GABRB3: variants seen among roughly 807,000 people sequenced by gnomAD.
GABRB3 encodes gamma-aminobutyric acid receptor subunit beta-3.
In GABRB3, 14 loss-of-function variants were observed where a neutral mutation model predicts 52.1. That is an observed-to-expected ratio of 0.27 (90% confidence interval 0.18 to 0.42). The LOEUF is 0.42. GABRB3 is among the 10% of genes least tolerant of loss of function. GABRB3 has a pLI of 1.00. For synonymous variants in GABRB3, 260 were observed against 232.3 expected, an observed-to-expected ratio of 1.12 and a Z score of -1.08; for missense variants, 307 against 609.1, an observed-to-expected ratio of 0.50 and a Z score of 5.22.
At chr15:26,640,222 A>C (rs527394624) in intron 3 of GABRB3, among the ~76,000 whole-genome samples, 13 of 152,296 alleles carry the variant, frequency 8.5e-5, no homozygotes, top group African/African-American at 3.1e-4. Context: ...GGTGATTTAA[A>C]GTATCAAAAC....
Position 26,580,338 on chromosome 15 carries a change from C to T in GABRB3, c.663G>A (p.Arg221=), listed in dbSNP as rs568658714. Residue 221 remains arginine (R), a synonymous_variant, in exon 6 of 9, where the codon AGG becomes AGA. Transcript: ENST00000311550. ...FSIVEHRLVS[R]NVVFATGAYP... is the part of the protein sequence containing the mutation. ...ACTCACCTGTGGCGAAGACAACATT[C>T]CTCGAGACCAGACGGTGCTCCACGA... is the stretch of plus-strand genomic sequence containing the variant. 2.5e-6 allele frequency: 4 copies of T among 1,614,164 alleles called. No individual in the cohort carries two copies. In the African/African-American group the frequency reaches 5.3e-5, roughly 22 times the overall value.
chr15:26,695,522 T>C (rs77199464), intron 3 of GABRB3, among the ~76,000 whole-genome samples: 20,494 of 101,550 alleles, frequency 0.2, 1,531 homozygotes, highest in East Asian at 0.35. Context: ...AAAGGAGAAA[T>C]AGTTTCTCAC....
At position 26,742,927 on chromosome 15, in the gene GABRB3, T is replaced by TG. The variant is rs1890247187; in HGVS notation, c.240+29474_240+29475insC. Among the ~76,000 whole-genome samples, 21 of 73,706 alleles carry TG rather than the reference T, an allele frequency of 2.8e-4. No homozygotes were observed. In the Admixed American group the frequency reaches 3.4e-3, roughly 12 times the overall value. The allele number at this position is 73,706 out of a possible 152,430, so 48.4% of individuals were successfully genotyped here. A position where few individuals can be genotyped will look rare whatever the true frequency, so the allele number is the denominator to read the frequency against. ...TTATCATTAGCCATTAGAGATTCTT[T>TG]TTTTTTTTTTTTTTTTTTTTGAGAC... is the stretch of plus-strand genomic sequence containing the variant. On this transcript the variant is annotated intron_variant, in intron 3 of 8. Coordinates refer to ENST00000311550, the MANE Select transcript of GABRB3 (RefSeq NM_000814.6).
upstream of GABRB3, chr15:26,773,111 G>C (rs978900908): frequency 1.3e-6 from 1 of 795,266 alleles, no homozygotes; most frequent in African/African-American, 1.9e-5. Flanking sequence ...GGAGGGGGAG[G>C]AGCGGGCGCT....
At chr15:26,569,769 C>CA (rs1280414981) in intron 6 of GABRB3, among the ~76,000 whole-genome samples, 1 of 152,344 alleles carries the variant, frequency 6.6e-6, no homozygotes, top group African/African-American at 2.4e-5. Flanking sequence ...AAGTGCCTAG[C>CA]ACACCTTGCA....
At chr15:26,718,272 G>C (rs921516873) in intron 3 of GABRB3, among the ~76,000 whole-genome samples, 10 of 152,160 alleles carry the variant, frequency 6.6e-5, no homozygotes, top group African/African-American at 2.4e-4. Context: ...GCAATGGCAC[G>C]ATCTCGGCTC....
chr15:26,674,183 C>T (rs1016974696), intron 3 of GABRB3, among the ~76,000 whole-genome samples: 2 of 151,438 alleles, frequency 1.3e-5, no homozygotes, highest in Non-Finnish European at 2.9e-5. Context: ...GGGCCGATCA[C>T]CCGAGGTCAG....
intron 3 of GABRB3, among the ~76,000 whole-genome samples, chr15:26,651,104 A>C (rs1887183580): frequency 6.6e-6 from 1 of 152,184 alleles, no homozygotes; most frequent in South Asian, 2.1e-4. Context: ...ACAGAGGGCA[A>C]CTGCTCTGGG....
At chr15:26,563,670 A>T (rs1890066430) in intron 7 of GABRB3, among the ~76,000 whole-genome samples, 2 of 152,218 alleles carry the variant, frequency 1.3e-5, no homozygotes, top group Admixed American at 1.3e-4. Context: ...TATGACTATC[A>T]TCATTACAGA....
intron 3 of GABRB3, among the ~76,000 whole-genome samples, chr15:26,744,892 T>C (rs895396990): frequency 3.3e-5 from 5 of 152,236 alleles, no homozygotes; most frequent in African/African-American, 9.7e-5. Flanking sequence ...CATTTTTGCA[T>C]TGCTATAAAG....
intron 3 of GABRB3, among the ~76,000 whole-genome samples, chr15:26,669,604 GTCTCTC>G (rs141362402): frequency 6.7e-6 from 1 of 148,772 alleles, no homozygotes; most frequent in Non-Finnish European, 1.5e-5. Context: ...GACTCACTCT[GTCTCTC>G]TCTCTCTCTC....
In GABRB3 at chr15:26,545,102, A is replaced by G. The variant is rs985383205; in HGVS notation, c.*2691T>C. On this transcript the variant is annotated 3_prime_UTR_variant, in exon 9 of 9. Coordinates refer to ENST00000311550, the MANE Select transcript of GABRB3 (RefSeq NM_000814.6). ...GCTATAAAATAATTTTGTTAGAAGAAAAGTAATTTTCTTCTGAAATGGAGT... is the reference window on the plus strand; with the variant it reads ...GCTATAAAATAATTTTGTTAGAAGAGAAGTAATTTTCTTCTGAAATGGAGT... 1.3e-5 allele frequency: 2 copies of G among 152,646 alleles called. No individual in the cohort carries two copies. The highest frequency in any genetic ancestry group is 2.9e-5 in the Non-Finnish European group (2 of 68,034). 9.5% of individuals were successfully genotyped at this position (152,646 alleles called of 1,614,324 possible). A position where few individuals can be genotyped will look rare whatever the true frequency, so the allele number is the denominator to read the frequency against.
At chr15:26,665,485 G>T (rs1887681819) in intron 3 of GABRB3, among the ~76,000 whole-genome samples, 1 of 152,198 alleles carries the variant, frequency 6.6e-6, no homozygotes, top group Non-Finnish European at 1.5e-5. Context: ...AATAGCTGTA[G>T]TAATGACAGT....
chr15:26,723,815 G>T (rs907199973), intron 3 of GABRB3, among the ~76,000 whole-genome samples: 1 of 152,130 alleles, frequency 6.6e-6, no homozygotes, highest in Non-Finnish European at 1.5e-5. Flanking sequence ...CCAAGGCCAC[G>T]ATTCCTAGGC....
rs1595500509 is a variant in GABRB3 at position 26,635,177 on chromosome 15, AC to A, written c.241-13644del. On this transcript the variant is annotated intron_variant, in intron 3 of 8. Coordinates refer to ENST00000311550, the MANE Select transcript of GABRB3 (RefSeq NM_000814.6). ...TCATTCTTCCAAAGATGCTCTGAGA[AC>A]TGGCTGTGAAAAACATCCATATTGC... 3.3e-5 allele frequency among the ~76,000 whole-genome samples: 5 copies of A among 150,962 alleles called. No homozygotes were observed. The South Asian group carries it at 1.1e-3, about 32-fold the overall frequency.
chr15:26,546,704 A>G lies in GABRB3; in HGVS notation c.*1089T>C, dbSNP rs1238991544. 1 of 152,516 alleles carries G rather than the reference A, an allele frequency of 6.6e-6. No individual in the cohort carries two copies. Among genetic ancestry groups the G allele is most frequent in the African/African-American group, 2.4e-5 (1 of 41,438 alleles). 9.4% of individuals were successfully genotyped at this position (152,516 alleles called of 1,614,324 possible). On this transcript the variant is annotated 3_prime_UTR_variant, in exon 9 of 9. Transcript: ENST00000311550. The stretch of plus-strand genomic sequence containing the variant: ...AAGTAGTTACATCACATAAAGGAAA[A>G]TATGACATCGCATGCTGCCATGATA...
intron 3 of GABRB3, among the ~76,000 whole-genome samples, chr15:26,671,733 T>C (rs1438755627): frequency 6.6e-6 from 1 of 152,202 alleles, no homozygotes; most frequent in African/African-American, 2.4e-5. Context: ...TCAATTTACT[T>C]TGTACTATTA....
chr15:26,753,551 T>G (rs1239004266), intron 3 of GABRB3, among the ~76,000 whole-genome samples: 2 of 152,206 alleles, frequency 1.3e-5, no homozygotes, highest in African/African-American at 4.8e-5. Flanking sequence ...GTTATTGACT[T>G]TGGTCCCAGA....
intron 3 of GABRB3, among the ~76,000 whole-genome samples, chr15:26,758,181 G>A (rs1199191468): frequency 6.6e-6 from 1 of 152,024 alleles, no homozygotes; most frequent in East Asian, 1.9e-4. Context: ...AGTCTGATAT[G>A]TGAGTCCCTC....
Sources: gnomAD v4.1 joint callset for allele counts (sites outside exome capture counted in the v4.1 genomes callset) on GRCh38, gnomAD v4.1.1 for gene constraint, MANE v1.5 for transcripts, NCBI Gene and HGNC (gene_info 2026-07-23, HGNC 2026-07-21) for gene names.